The following CSMD1 variants were observed in gnomAD, a reference collection of about 807,000 sequenced individuals.
CSMD1 encodes CUB and Sushi multiple domains 1.
CSMD1 carries 213 observed loss-of-function variants against 417.5 expected under a neutral mutation model. That is an observed-to-expected ratio of 0.51 (90% CI 0.46 to 0.57). The LOEUF is 0.57. CSMD1 is among the 20% of genes least tolerant of loss of function. The probability of loss-of-function intolerance (pLI) is 0.00; values close to 1 mark genes in which losing one functional copy is unlikely to be tolerated. For synonymous variants in CSMD1, 2,862 were observed against 1,736.8 expected (o/e 1.65, Z -16.11); for missense variants, 6,923 against 4,529.7 (o/e 1.53, Z -15.17).
chr8:4,129,074 C>CAAAAAAAA (rs10538387), intron 3 of CSMD1, among the ~76,000 whole-genome samples: 10 of 80,726 alleles, frequency 1.2e-4, no homozygotes, highest in East Asian at 4.1e-4. Context: ...GAGTCCAACT[C>CAAAAAAAA]AAAAAAAAAA....
At chr8:3,524,503 G>A (rs1345252677) in intron 10 of CSMD1, among the ~76,000 whole-genome samples, 1 of 134,994 alleles carries the variant, frequency 7.4e-6, no homozygotes, top group Non-Finnish European at 1.5e-5. Context: ...GTACACACAT[G>A]CACAGATGCA....
chr8:3,096,160 A>C (rs1174220430), intron 47 of CSMD1, among the ~76,000 whole-genome samples: 1 of 152,208 alleles, frequency 6.6e-6, no homozygotes, highest in Non-Finnish European at 1.5e-5. Flanking sequence ...GTGTTAAAAA[A>C]ATCAAATAAT....
chr8:3,586,107 C>A, intron 9 of CSMD1, 29 bp downstream of exon 9: 2 of 1,597,820 alleles, frequency 1.3e-6, no homozygotes, highest in Non-Finnish European at 1.7e-6. Flanking sequence ...AAGAGATAAT[C>A]CAGGCTTTAC....
At position 4,289,659 on chromosome 8, in the gene CSMD1, G is replaced by A. The variant is rs78117857; in HGVS notation, c.415+130294C>T. ...GAGTAGAGCAGCTGTCCATGGTCCT[G>A]AGTAACATGTGCTCAAGACATGAGC... On this transcript the variant is annotated intron_variant, in intron 3 of 69. Transcript: ENST00000635120. 9.0e-3 allele frequency among the ~76,000 whole-genome samples: 1,377 copies of A among 152,260 alleles called. 9 individuals are homozygous for A. The highest frequency in any genetic ancestry group is 0.016 in the Non-Finnish European group (1,080 of 68,020).
chr8:3,029,043 G>C (rs1003660995), intron 51 of CSMD1, among the ~76,000 whole-genome samples: 1 of 152,076 alleles, frequency 6.6e-6, no homozygotes, highest in Admixed American at 6.6e-5. Flanking sequence ...ACATAGGTTT[G>C]TATTTGTCTT....
intron 40 of CSMD1, among the ~76,000 whole-genome samples, chr8:3,146,872 A>T (rs1013008902): frequency 6.6e-6 from 1 of 152,202 alleles, no homozygotes; most frequent in African/African-American, 2.4e-5. Flanking sequence ...TAATTATTTG[A>T]CTAAACTGGC....
chr8:3,396,512 G>T, intron 16 of CSMD1, 131 bp from the exon 17 acceptor site: 1 of 627,466 alleles, frequency 1.6e-6, no homozygotes, highest in Non-Finnish European at 2.7e-6. Context: ...AATTACATAT[G>T]CTTAAAACTT....
intron 12 of CSMD1, among the ~76,000 whole-genome samples, chr8:3,463,450 T>C (rs554632248): frequency 1.3e-5 from 2 of 152,346 alleles, no homozygotes; most frequent in East Asian, 1.9e-4. Flanking sequence ...TCCCACAACA[T>C]GTAAACAAAA....
At chr8:4,436,734 T>C (rs1156634981) in intron 2 of CSMD1, among the ~76,000 whole-genome samples, 1 of 152,174 alleles carries the variant, frequency 6.6e-6, no homozygotes, top group Non-Finnish European at 1.5e-5. Context: ...TTTAATTGTT[T>C]TGATTTTTAG....
At chr8:3,147,288 T>C (rs1363064742) in intron 40 of CSMD1, among the ~76,000 whole-genome samples, 1 of 152,208 alleles carries the variant, frequency 6.6e-6, no homozygotes, top group Non-Finnish European at 1.5e-5. Context: ...TAATCTTCTA[T>C]CTCTATTTTC....
At chr8:4,416,061 A>T (rs2128937412) in intron 3 of CSMD1, among the ~76,000 whole-genome samples, 1 of 152,316 alleles carries the variant, frequency 6.6e-6, no homozygotes, top group East Asian at 1.9e-4. Flanking sequence ...ATTTCCTAAG[A>T]AAAGACATGA....
chr8:3,969,787 A>G (rs977649788), intron 5 of CSMD1, among the ~76,000 whole-genome samples: 1 of 152,208 alleles, frequency 6.6e-6, no homozygotes, highest in Non-Finnish European at 1.5e-5. Context: ...ACTGAAGAAG[A>G]AATCTAACCT....
chr8:3,214,075 A>G (rs1167863837), intron 30 of CSMD1, among the ~76,000 whole-genome samples: 4 of 151,720 alleles, frequency 2.6e-5, no homozygotes, highest in African/African-American at 9.7e-5. Context: ...CGAACTCCTA[A>G]CCTCGCGATC....
chr8:3,311,917 A>T (rs192203140), intron 23 of CSMD1, among the ~76,000 whole-genome samples: 2 of 152,328 alleles, frequency 1.3e-5, no homozygotes, highest in Admixed American at 1.3e-4. Flanking sequence ...TTTAAACGTT[A>T]TCCAGAATAT....
chr8:2,956,053 T>C (rs1046840328), intron 63 of CSMD1, among the ~76,000 whole-genome samples: 16 of 152,218 alleles, frequency 1.1e-4, no homozygotes, highest in African/African-American at 3.9e-4. Flanking sequence ...TATATATTTA[T>C]ACATAGGTAA....
At chr8:3,455,610 G>C (rs1020875334) in intron 12 of CSMD1, among the ~76,000 whole-genome samples, 17 of 152,214 alleles carry the variant, frequency 1.1e-4, no homozygotes, top group African/African-American at 3.9e-4. Flanking sequence ...ATCAGCAGCA[G>C]AGGCTGCAGA....
intron 23 of CSMD1, among the ~76,000 whole-genome samples, chr8:3,328,536 T>A (rs114740481): frequency 0.012 from 1,841 of 152,328 alleles, 44 homozygotes; most frequent in African/African-American, 0.042. Context: ...CGGCCTAAAA[T>A]GTATTCCTGT....
chr8:3,175,027 C>A (rs976072541), intron 37 of CSMD1, among the ~76,000 whole-genome samples: 1 of 152,080 alleles, frequency 6.6e-6, no homozygotes, highest in African/African-American at 2.4e-5. Context: ...AAGTTTTGAA[C>A]TCAGTGCCTT....
intron 42 of CSMD1, chr8:3,113,448 C>G (rs1487006519): frequency 3.3e-5 from 5 of 152,212 alleles, no homozygotes; most frequent in East Asian, 1.9e-4. Flanking sequence ...ATGTATTTTT[C>G]CAAGAATAAG....
Sources: gnomAD v4.1 joint callset for allele counts (sites outside exome capture counted in the v4.1 genomes callset) on GRCh38, gnomAD v4.1.1 for gene constraint, MANE v1.5 for transcripts, NCBI Gene and HGNC (gene_info 2026-07-23, HGNC 2026-07-21) for gene names.